Variants in GABRB1 observed in about 807,000 individuals in gnomAD.
GABRB1 encodes the protein gamma-aminobutyric acid type A receptor subunit beta1.
Under a neutral mutation model 51.6 loss-of-function variants are expected in GABRB1, and 17 were observed. The ratio of observed to expected loss-of-function variants is 0.33; its 90% CI spans 0.23 to 0.49. The LOEUF (loss-of-function observed/expected upper bound fraction) is 0.49. Among genes scored for constraint, GABRB1 ranks in the 20% least tolerant of loss-of-function variants. The probability of loss-of-function intolerance (pLI) is 0.99; values close to 1 mark genes in which losing one functional copy is unlikely to be tolerated. For missense variants in GABRB1, 410 were observed against 600.6 expected, an observed-to-expected ratio of 0.68 and a Z score of 3.32; for synonymous variants, 247 against 218.9, an observed-to-expected ratio of 1.13 and a Z score of -1.14.
At chr4:47,031,463 A>T (rs1725292395), upstream of GABRB1, 3 of 598,064 alleles carry the variant, frequency 5.0e-6, no homozygotes, top group South Asian at 4.1e-5. Context: ...CCCAAATAGG[A>T]ACTTTAGAGG....
At chr4:47,385,429 G>A (rs922910113) in intron 5 of GABRB1, among the ~76,000 whole-genome samples, 1 of 152,128 alleles carries the variant, frequency 6.6e-6, no homozygotes, top group East Asian at 1.9e-4. Context: ...GAGGTGCCGA[G>A]AATTGAGATG....
upstream of GABRB1, among the ~76,000 whole-genome samples, chr4:47,029,465 C>T (rs184584575): frequency 2.7e-5 from 4 of 148,648 alleles, no homozygotes; most frequent in Non-Finnish European, 5.9e-5. Context: ...TTTATACAAA[C>T]CTTCTGATGG....
chr4:47,324,646 T>C (rs910161739), intron 5 of GABRB1, among the ~76,000 whole-genome samples: 3 of 152,240 alleles, frequency 2.0e-5, no homozygotes, highest in Non-Finnish European at 2.9e-5. Flanking sequence ...AGGACCTCTT[T>C]ACATTCAATC....
At chr4:47,098,560 C>A (rs147245414) in intron 3 of GABRB1, among the ~76,000 whole-genome samples, 1 of 152,110 alleles carries the variant, frequency 6.6e-6, no homozygotes, top group African/African-American at 2.4e-5. Flanking sequence ...TAATAAAAAG[C>A]TGTAGTTGTT....
chr4:47,125,745 C>A (rs1000571287), intron 3 of GABRB1, among the ~76,000 whole-genome samples: 7 of 146,700 alleles, frequency 4.8e-5, no homozygotes, highest in Admixed American at 6.9e-5. Flanking sequence ...TTAGTAGAGA[C>A]GGGGTTTCAC....
intron 5 of GABRB1, among the ~76,000 whole-genome samples, chr4:47,334,991 T>C (rs1578102526): frequency 1.3e-5 from 2 of 152,202 alleles, no homozygotes; most frequent in Non-Finnish European, 2.9e-5. Flanking sequence ...CACCTCTCTA[T>C]GTAATTAATG....
chr4:47,363,819 G>T (rs938123253), intron 5 of GABRB1, among the ~76,000 whole-genome samples: 11 of 152,112 alleles, frequency 7.2e-5, no homozygotes, highest in African/African-American at 2.7e-4. Flanking sequence ...AGCATAAGAG[G>T]TGATTAATAC....
At chr4:47,355,079 G>A (rs184170347) in intron 5 of GABRB1, among the ~76,000 whole-genome samples, 9 of 137,562 alleles carry the variant, frequency 6.5e-5, no homozygotes, top group East Asian at 4.6e-4. Flanking sequence ...TCCGCCTCCC[G>A]GGTTCAAGTG....
chr4:47,308,191 G>A (rs1196861419), intron 4 of GABRB1, among the ~76,000 whole-genome samples: 1 of 151,928 alleles, frequency 6.6e-6, no homozygotes, highest in Non-Finnish European at 1.5e-5. Context: ...TTACAATCCT[G>A]ATGCCGATGA....
chr4:47,406,179 C>T (rs74844456), intron 7 of GABRB1, among the ~76,000 whole-genome samples: 14,460 of 152,202 alleles, frequency 0.095, 769 homozygotes, highest in South Asian at 0.14. Context: ...TTTTAAAATG[C>T]AATACTGACC....
intron 4 of GABRB1, among the ~76,000 whole-genome samples, chr4:47,236,584 G>T (rs1247073450): frequency 6.6e-6 from 1 of 152,096 alleles, no homozygotes; most frequent in Non-Finnish European, 1.5e-5. Context: ...CAAATTTTTA[G>T]AGTACTAAGC....
intron 8 of GABRB1, among the ~76,000 whole-genome samples, chr4:47,415,029 T>A (rs1312007087): frequency 2.0e-5 from 3 of 152,262 alleles, no homozygotes; most frequent in Non-Finnish European, 4.4e-5. Flanking sequence ...ACCCCTGTCC[T>A]AATCTGGCTT....
At chr4:47,299,378 C>A (rs1272705492) in intron 4 of GABRB1, among the ~76,000 whole-genome samples, 1 of 152,032 alleles carries the variant, frequency 6.6e-6, no homozygotes, top group African/African-American at 2.4e-5. Flanking sequence ...ACGATGAACT[C>A]AAACAAATTT....
chr4:47,363,474 G>A (rs1415782698), intron 5 of GABRB1, among the ~76,000 whole-genome samples: 1 of 152,036 alleles, frequency 6.6e-6, no homozygotes, highest in Non-Finnish European at 1.5e-5. Context: ...CACTCTGATT[G>A]CAGGATCCTG....
At chr4:47,261,693 T>C (rs1404943104) in intron 4 of GABRB1, among the ~76,000 whole-genome samples, 1 of 151,914 alleles carries the variant, frequency 6.6e-6, no homozygotes, top group Non-Finnish European at 1.5e-5. Flanking sequence ...AAAAAACTAC[T>C]TTAAAGTTCA....
intron 5 of GABRB1, among the ~76,000 whole-genome samples, chr4:47,327,318 G>C (rs4298113): frequency 0.62 from 91,757 of 148,416 alleles, 28,256 homozygotes; most frequent in East Asian, 0.7. Context: ...TAGTGAAACC[G>C]TATCGCTTAA....
intron 4 of GABRB1, among the ~76,000 whole-genome samples, chr4:47,252,304 G>A (rs536538208): frequency 1.3e-5 from 2 of 151,972 alleles, no homozygotes; most frequent in Non-Finnish European, 2.9e-5. Context: ...AGTGGGGGGT[G>A]TTTGTTCAGG....
chr4:47,325,694 T>C (rs1229071485), intron 5 of GABRB1, among the ~76,000 whole-genome samples: 5 of 152,210 alleles, frequency 3.3e-5, no homozygotes, highest in Non-Finnish European at 7.4e-5. Flanking sequence ...TTCCCCACCA[T>C]AGTTCTTTTG....
At chr4:47,259,279 G>C (rs1418138692) in intron 4 of GABRB1, among the ~76,000 whole-genome samples, 2 of 152,102 alleles carry the variant, frequency 1.3e-5, no homozygotes, top group Non-Finnish European at 2.9e-5. Context: ...TAAGTTTAAT[G>C]ATTTGGGTGA....
Sources: allele counts gnomAD v4.1 joint callset (sites outside exome capture counted in the v4.1 genomes callset), GRCh38; gene constraint gnomAD v4.1.1; transcripts MANE v1.5; gene names NCBI Gene and HGNC (gene_info 2026-07-23, HGNC 2026-07-21).